EIF4G3: variants seen among roughly 807,000 people sequenced by gnomAD.
EIF4G3 encodes eIF-4-gamma 3.
EIF4G3 carries 34 observed loss-of-function variants against 186.4 expected under a neutral mutation model. That is an observed-to-expected ratio of 0.18 (90% CI 0.14 to 0.24). The LOEUF (loss-of-function observed/expected upper bound fraction) is 0.24. Among genes scored for constraint, EIF4G3 ranks in the 10% least tolerant of loss-of-function variants. The pLI is 1.00. For synonymous variants in EIF4G3, 673 were observed against 679.5 expected (o/e 0.99, Z 0.15); for missense variants, 1,536 against 1,948.5 (o/e 0.79, Z 3.99).
intron 14 of EIF4G3, chr1:20,929,632 G>A (rs910307022): frequency 1.4e-4 from 22 of 152,210 alleles, no homozygotes; most frequent in Admixed American, 2.6e-4. Context: ...CATTCAGAGT[G>A]CTTAATATGT....
chr1:20,944,073 A>G (rs2095842511), intron 13 of EIF4G3, among the ~76,000 whole-genome samples: 1 of 149,262 alleles, frequency 6.7e-6, no homozygotes, highest in African/African-American at 2.5e-5. Flanking sequence ...CACCATATAT[A>G]ACAAATATGT....
intron 20 of EIF4G3, among the ~76,000 whole-genome samples, chr1:20,878,457 A>C (rs2081449940): frequency 6.6e-6 from 1 of 152,198 alleles, no homozygotes; most frequent in African/African-American, 2.4e-5. Context: ...TTTCTTGGAA[A>C]TACTTATTTT....
chr1:20,851,626 A>G, intron 27 of EIF4G3, 148 bp from the exon 28 acceptor site: 3 of 695,496 alleles, frequency 4.3e-6, no homozygotes, highest in Admixed American at 2.8e-5. Context: ...TTATATTTCA[A>G]AGTTTATTCA....
intron 14 of EIF4G3, among the ~76,000 whole-genome samples, chr1:20,929,019 A>T (rs1023863385): frequency 2.6e-5 from 4 of 152,128 alleles, no homozygotes; most frequent in Admixed American, 2.0e-4. Flanking sequence ...CACTTAGCGT[A>T]ATGTTTTTAA....
chr1:20,917,829 T>C (rs1336353104), intron 14 of EIF4G3, among the ~76,000 whole-genome samples: 2 of 152,220 alleles, frequency 1.3e-5, no homozygotes, highest in Non-Finnish European at 2.9e-5. Flanking sequence ...AATATTAGCA[T>C]TTCCATATAT....
intron 14 of EIF4G3, among the ~76,000 whole-genome samples, chr1:20,909,930 C>T (rs972993312): frequency 6.6e-6 from 1 of 151,812 alleles, no homozygotes; most frequent in Non-Finnish European, 1.5e-5. Context: ...CACAGGTACC[C>T]GCAACCATGC....
At chr1:21,000,920 T>C (rs1370700693) in intron 6 of EIF4G3, among the ~76,000 whole-genome samples, 1 of 152,210 alleles carries the variant, frequency 6.6e-6, no homozygotes, top group Non-Finnish European at 1.5e-5. Context: ...ATCTTTTAAA[T>C]TCAAATTTAT....
chr1:20,945,259 T>C (rs956000729), intron 13 of EIF4G3, among the ~76,000 whole-genome samples: 1 of 152,084 alleles, frequency 6.6e-6, no homozygotes, highest in Admixed American at 6.6e-5. Flanking sequence ...ATGAAAGGGT[T>C]AGCAAAGATA....
intron 3 of EIF4G3, among the ~76,000 whole-genome samples, chr1:21,060,782 GAAAAAAAAAAAAAAA>G (rs34598369): frequency 8.5e-6 from 1 of 117,352 alleles, no homozygotes; most frequent in East Asian, 3.5e-4. Flanking sequence ...TGTCTCTTAA[GAAAAAAAAAAAAAAA>G]AAAAAAACAA....
chr1:21,051,298 T>C (rs531046081), intron 3 of EIF4G3, among the ~76,000 whole-genome samples: 1 of 152,300 alleles, frequency 6.6e-6, no homozygotes, highest in East Asian at 1.9e-4. Context: ...AACTGTATGA[T>C]ACCATTTTGT....
rs1232182773 is a variant in EIF4G3 at position 20,941,514 on chromosome 1, T to A, written c.1640A>T (p.Asn547Ile). 1.1e-5 allele frequency: 17 copies of A among 1,610,438 alleles called. No individual in the cohort carries two copies. In the South Asian group the frequency reaches 1.5e-4, roughly 15 times the overall value. ...ACCTGGGACAGGGCTCCTTCTTGAATTTAAGTTTTGAGAATCCAAAATCTC... is the reference window on the plus strand; with the variant it reads ...ACCTGGGACAGGGCTCCTTCTTGAAATTAAGTTTTGAGAATCCAAAATCTC... Reference protein sequence around the residue: ...TEEILDSQNLNSRRSPVPAQI... With the variant: ...TEEILDSQNLISRRSPVPAQI... Residue 547 changes from asparagine (N) to isoleucine (I), a missense_variant, in exon 14 of 37, where the codon AAT becomes ATT. Asn to Ile is a moderately radical substitution (Grantham distance 149). Transcript: ENST00000602326.
At chr1:21,077,070 T>C (rs145825611) in intron 3 of EIF4G3, among the ~76,000 whole-genome samples, 2 of 152,056 alleles carry the variant, frequency 1.3e-5, no homozygotes, top group African/African-American at 4.8e-5. Context: ...CCAAACTATA[T>C]AAGAAACACA....
chr1:21,137,208 A>G (rs2097261783), intron 2 of EIF4G3, among the ~76,000 whole-genome samples: 1 of 151,568 alleles, frequency 6.6e-6, no homozygotes, highest in Non-Finnish European at 1.5e-5. Context: ...CAGTGGCACA[A>G]TCATAGTTCA....
intron 7 of EIF4G3, among the ~76,000 whole-genome samples, chr1:20,992,288 C>T (rs2154568021): frequency 6.6e-6 from 1 of 152,210 alleles, no homozygotes; most frequent in Non-Finnish European, 1.5e-5. Context: ...CAGGTCTGGC[C>T]CATTTATTTT....
intron 32 of EIF4G3, 53 bp from the exon 33 acceptor site, chr1:20,825,251 G>GAAAAAAA (rs71585786): frequency 7.2e-4 from 167 of 231,692 alleles, no homozygotes; most frequent in South Asian, 1.9e-3. Flanking sequence ...AGAAGAAACA[G>GAAAAAAA]AAAAAAAAAA....
intron 2 of EIF4G3, chr1:21,167,987 G>A (rs1245999601): frequency 1.7e-5 from 8 of 465,228 alleles, no homozygotes; most frequent in African/African-American, 4.0e-5. Context: ...ATTCCCCTTT[G>A]TAATGTGCAG....
Position 21,096,649 on chromosome 1 carries a change from T to C in EIF4G3, c.-271-7436A>G, listed in dbSNP as rs987831714. On this transcript the variant is annotated intron_variant, in intron 2 of 36. Coordinates refer to ENST00000602326, the MANE Select transcript of EIF4G3 (RefSeq NM_001391906.1). The stretch of plus-strand genomic sequence containing the variant: ...AAATAAAACATGCTGATATGCCAAA[T>C]TCCTCTGGACATAGATGGGGATAAT... Among the ~76,000 whole-genome samples, 60 of 152,306 alleles carry C rather than the reference T, an allele frequency of 3.9e-4. 1 individual carries two copies. Among genetic ancestry groups the C allele is most frequent in the African/African-American group, 1.4e-3 (59 of 41,568 alleles).
At chr1:20,984,781 G>T (rs2079084126) in intron 7 of EIF4G3, among the ~76,000 whole-genome samples, 1 of 151,554 alleles carries the variant, frequency 6.6e-6, no homozygotes, top group Non-Finnish European at 1.5e-5. Flanking sequence ...GTACAGACAG[G>T]GTTTCACCGT....
intron 2 of EIF4G3, among the ~76,000 whole-genome samples, chr1:21,153,721 C>T (rs1364522150): frequency 6.6e-6 from 1 of 152,092 alleles, no homozygotes; most frequent in Non-Finnish European, 1.5e-5. Flanking sequence ...TGTGCCACCA[C>T]ACCCGACTAA....
Sources: allele counts gnomAD v4.1 joint callset (sites outside exome capture counted in the v4.1 genomes callset), GRCh38; gene constraint gnomAD v4.1.1; transcripts MANE v1.5; gene names NCBI Gene and HGNC (gene_info 2026-07-23, HGNC 2026-07-21).